The following TSHZ3 variants were observed in gnomAD, a reference collection of about 807,000 sequenced individuals.
TSHZ3 encodes teashirt zinc finger homeobox 3.
In TSHZ3, 10 loss-of-function variants were observed where a neutral mutation model predicts 64.5. The ratio of observed to expected loss-of-function variants is 0.16; its 90% CI spans 0.10 to 0.26. TSHZ3 has a LOEUF of 0.26. Among genes scored for constraint, TSHZ3 ranks in the 10% least tolerant of loss-of-function variants. TSHZ3 has a pLI of 1.00. For missense variants in TSHZ3, 1,242 were observed against 1,421.7 expected (o/e 0.87, Z 2.03); for synonymous variants, 608 against 593.1 (o/e 1.03, Z -0.36).
intron 1 of TSHZ3, among the ~76,000 whole-genome samples, chr19:31,323,579 G>C (rs1219157233): frequency 2.0e-5 from 3 of 152,102 alleles, no homozygotes; most frequent in African/African-American, 7.2e-5. Context: ...ACTCTACCAA[G>C]TGGGAGCACT....
chr19:31,303,403 C>A (rs1370047397), intron 1 of TSHZ3, among the ~76,000 whole-genome samples: 3 of 152,206 alleles, frequency 2.0e-5, no homozygotes, highest in African/African-American at 4.8e-5. Context: ...ACCTGGCTCA[C>A]CGGAGACGCA....
chr19:31,322,421 T>C (rs899358789), intron 1 of TSHZ3, among the ~76,000 whole-genome samples: 3 of 150,476 alleles, frequency 2.0e-5, no homozygotes, highest in African/African-American at 7.4e-5. Flanking sequence ...CCTAGCCTTA[T>C]GTATGTATTT....
At chr19:31,337,720 A>AACACACACAAACAC (rs1555740061) in intron 1 of TSHZ3, among the ~76,000 whole-genome samples, 4 of 145,978 alleles carry the variant, frequency 2.7e-5, no homozygotes, top group Non-Finnish European at 4.5e-5. Flanking sequence ...TTTCAAAATA[A>AACACACACAAACAC]ACACACACAC....
chr19:31,198,581 G>C lies in TSHZ3; in HGVS notation n.809+6375C>G. Among the ~76,000 whole-genome samples the C allele has an allele frequency of 1.3e-5, 2 of 152,080 alleles. 1 individual carries two copies. The highest frequency in any genetic ancestry group is 4.1e-4 in the South Asian group (2 of 4,822). On this transcript the variant is annotated intron_variant and non_coding_transcript_variant, in intron 5 of 6. Coordinates refer to the TSHZ3 transcript ENST00000651361. ...GATACTAATAAATAATTATACCAAG[G>C]TTGCAGGATAAAGGTTAATACACAA...
chr19:31,210,534 A>G (rs975540483), intron 4 of TSHZ3, among the ~76,000 whole-genome samples: 1 of 152,144 alleles, frequency 6.6e-6, no homozygotes, highest in Non-Finnish European at 1.5e-5. Context: ...GAGCCCAGCC[A>G]TGCCTGGAAC....
At chr19:31,213,583 C>CA in intron 4 of TSHZ3, among the ~76,000 whole-genome samples, 1 of 152,044 alleles carries the variant, frequency 6.6e-6, no homozygotes, top group South Asian at 2.1e-4. Flanking sequence ...GATGATGGGT[C>CA]AATGTAGGTT....
intron 1 of TSHZ3, among the ~76,000 whole-genome samples, chr19:31,305,990 T>C (rs1463412821): frequency 6.6e-6 from 1 of 152,346 alleles, no homozygotes; most frequent in South Asian, 2.1e-4. Context: ...AAAGCCAGCA[T>C]GATCACAGAT....
At position 31,277,740 on chromosome 19, in the gene TSHZ3, C is replaced by T. The variant is rs141310391; in HGVS notation, c.2053G>A (p.Ala685Thr). The T allele has an allele frequency of 1.3e-3, 1,950 of 1,522,192 alleles. 25 individuals are homozygous for T. In the African/African-American group the frequency reaches 0.024, roughly 18 times the overall value. 94.3% of individuals were successfully genotyped at this position (1,522,192 alleles called of 1,614,324 possible). Residue 685 changes from alanine to threonine, a missense_variant, in exon 2 of 2, where the codon GCT (alanine) becomes ACT (threonine). Ala to Thr is a moderately conservative substitution (Grantham distance 58). Around this residue, in one of 4 missense-constraint regions of TSHZ3, gnomAD observed 550 missense variants for 545.1 expected, o/e 1.01. Coordinates refer to ENST00000240587, the MANE Select transcript of TSHZ3 (RefSeq NM_020856.4). This position sits in a 1 kb window ranked among gnomAD's most constrained non-coding sequence, Gnocchi z 4.5. ...RDGCKDGSPL[A>T]EPVENGKELV... ...TCCTTGCCATTCTCCACCGGCTCAG[C>T]GAGGGGGCTCCCATCCTTGCACCCA... is the stretch of plus-strand genomic sequence containing the variant.
At chr19:31,180,250 C>CGAAT (rs933403321) in intron 5 of TSHZ3, among the ~76,000 whole-genome samples, 3 of 151,940 alleles carry the variant, frequency 2.0e-5, no homozygotes, top group Admixed American at 1.3e-4. Flanking sequence ...AATGAATGAA[C>CGAAT]GAATGAATGA....
chr19:31,243,795 T>G (rs10425081), intron 1 of TSHZ3, among the ~76,000 whole-genome samples: 45,387 of 152,038 alleles, frequency 0.3, 7,999 homozygotes, highest in African/African-American at 0.48. Context: ...GAAGCTTATT[T>G]AACCTCACTG....
chr19:31,191,584 A>G (rs1394999343), intron 5 of TSHZ3, among the ~76,000 whole-genome samples: 2 of 152,214 alleles, frequency 1.3e-5, no homozygotes, highest in Non-Finnish European at 2.9e-5. Flanking sequence ...AAAAATGTCA[A>G]TATAAAAGAC....
At chr19:31,267,397 T>A (rs1390296041) in intron 1 of TSHZ3, among the ~76,000 whole-genome samples, 1 of 152,098 alleles carries the variant, frequency 6.6e-6, no homozygotes, top group Non-Finnish European at 1.5e-5. Flanking sequence ...GCCATGGTGG[T>A]CAAGTCCCTT....
At chr19:31,227,063 C>T (rs537371207) in intron 4 of TSHZ3, among the ~76,000 whole-genome samples, 76 of 139,560 alleles carry the variant, frequency 5.4e-4, no homozygotes, top group African/African-American at 2.0e-3. Context: ...ACTGCAACCT[C>T]AGCCTTCCAG....
chr19:31,206,012 C>G (rs534697362), intron 4 of TSHZ3, among the ~76,000 whole-genome samples: 1 of 150,368 alleles, frequency 6.7e-6, no homozygotes, highest in Admixed American at 6.6e-5. Context: ...TGGATGCATG[C>G]ATAGATGAAT....
At chr19:31,180,253 A>G (rs901865460) in intron 5 of TSHZ3, among the ~76,000 whole-genome samples, 27 of 152,158 alleles carry the variant, frequency 1.8e-4, no homozygotes, top group African/African-American at 6.5e-4. Flanking sequence ...GAATGAACGA[A>G]TGAATGAATG....
chr19:31,201,006 G>A (rs528347135), intron 5 of TSHZ3, among the ~76,000 whole-genome samples: 1 of 152,002 alleles, frequency 6.6e-6, no homozygotes, highest in South Asian at 2.1e-4. Flanking sequence ...GGTGTCAGGG[G>A]AAAAAAATGT....
downstream of TSHZ3, among the ~76,000 whole-genome samples, chr19:31,272,240 C>T (rs967888435): frequency 6.6e-6 from 1 of 152,068 alleles, no homozygotes; most frequent in African/African-American, 2.4e-5. Flanking sequence ...GCTTAGAGGG[C>T]CTTTTTTCCT....
intron 3 of TSHZ3, among the ~76,000 whole-genome samples, chr19:31,242,130 C>T (rs867197189): frequency 2.0e-5 from 3 of 152,300 alleles, no homozygotes; most frequent in Admixed American, 1.3e-4. Flanking sequence ...TATGGCAGCC[C>T]TGGTCTTTGA....
At chr19:31,322,800 A>C (rs575611455) in intron 1 of TSHZ3, among the ~76,000 whole-genome samples, 1 of 152,372 alleles carries the variant, frequency 6.6e-6, no homozygotes, top group East Asian at 1.9e-4. Flanking sequence ...GAATGAATGA[A>C]TGAATGAGTG....
Sources: gnomAD v4.1 joint callset for allele counts (sites outside exome capture counted in the v4.1 genomes callset) on GRCh38, gnomAD v4.1.1 for gene constraint, gnomAD v4.1.1 regional missense constraint, Gnocchi (gnomAD v3.1) non-coding constraint, MANE v1.5 for transcripts, NCBI Gene and HGNC (gene_info 2026-07-23, HGNC 2026-07-21) for gene names.